GPATCH8: variants seen among roughly 807,000 people sequenced by gnomAD.
GPATCH8 encodes G patch domain-containing protein 8.
Under a neutral mutation model 118.3 loss-of-function variants are expected in GPATCH8, and 18 were observed. The ratio of observed to expected loss-of-function variants is 0.15; its 90% CI spans 0.11 to 0.23. The LOEUF is 0.23. Among genes scored for constraint, GPATCH8 ranks in the 10% least tolerant of loss-of-function variants. The pLI is 1.00. For missense variants in GPATCH8, 1,631 were observed against 1,873.8 expected, an observed-to-expected ratio of 0.87 and a Z score of 2.39; for synonymous variants, 659 against 684.7, an observed-to-expected ratio of 0.96 and a Z score of 0.59.
At chr17:44,464,243 C>T (rs2051673218) in intron 3 of GPATCH8, among the ~76,000 whole-genome samples, 1 of 152,134 alleles carries the variant, frequency 6.6e-6, no homozygotes, top group Non-Finnish European at 1.5e-5. Flanking sequence ...GTATGTTTGA[C>T]TTGAAAGTTT....
intron 6 of GPATCH8, among the ~76,000 whole-genome samples, chr17:44,417,750 T>C (rs965860699): frequency 1.3e-5 from 2 of 152,122 alleles, no homozygotes; most frequent in Non-Finnish European, 2.9e-5. Flanking sequence ...GCAGGTAACA[T>C]AATGAGTCAC....
At chr17:44,452,518 T>G (rs1467669450) in intron 3 of GPATCH8, among the ~76,000 whole-genome samples, 2 of 152,184 alleles carry the variant, frequency 1.3e-5, no homozygotes, top group African/African-American at 2.4e-5. Context: ...ATTGTCTTCA[T>G]AGTTGACCTG....
intron 1 of GPATCH8, among the ~76,000 whole-genome samples, chr17:44,495,247 T>C (rs1969572798): frequency 6.6e-6 from 1 of 152,154 alleles, no homozygotes; most frequent in Admixed American, 6.6e-5. Flanking sequence ...GCCACGAGAA[T>C]TGCTTGAACC....
intron 1 of GPATCH8, among the ~76,000 whole-genome samples, chr17:44,479,523 T>TA (rs1420546725): frequency 1.3e-5 from 2 of 151,914 alleles, no homozygotes; most frequent in Non-Finnish European, 2.9e-5. Flanking sequence ...ATACTTTGAA[T>TA]AAAAAAAGAA....
At chr17:44,450,128 G>A (rs1222141397) in intron 3 of GPATCH8, among the ~76,000 whole-genome samples, 1 of 152,194 alleles carries the variant, frequency 6.6e-6, no homozygotes, top group Non-Finnish European at 1.5e-5. Context: ...TAGTTGCAGA[G>A]TTAGAATTGA....
intron 1 of GPATCH8, among the ~76,000 whole-genome samples, chr17:44,494,580 G>A (rs987137023): frequency 7.2e-5 from 11 of 152,028 alleles, no homozygotes; most frequent in Non-Finnish European, 1.6e-4. Flanking sequence ...CAATGAGAGC[G>A]AAACTTCACC....
chr17:44,493,160 C>G (rs1032623589), intron 1 of GPATCH8, among the ~76,000 whole-genome samples: 6 of 148,820 alleles, frequency 4.0e-5, no homozygotes, highest in African/African-American at 1.5e-4. Context: ...TCATGCAATT[C>G]TCCTGCCTCA....
At chr17:44,465,574 A>G (rs951326763) in intron 2 of GPATCH8, 2 of 152,188 alleles carry the variant, frequency 1.3e-5, no homozygotes, top group Non-Finnish European at 2.9e-5. Context: ...TATTCACCCA[A>G]TGGACAACAC....
intron 3 of GPATCH8, among the ~76,000 whole-genome samples, chr17:44,455,999 G>A (rs757857279): frequency 4.6e-5 from 7 of 152,186 alleles, no homozygotes; most frequent in South Asian, 2.1e-4. Context: ...CACCTGCCTC[G>A]GCCTCCCAAA....
At chr17:44,407,639 T>C (rs1349472474) in intron 6 of GPATCH8, among the ~76,000 whole-genome samples, 1 of 150,946 alleles carries the variant, frequency 6.6e-6, no homozygotes, top group Non-Finnish European at 1.5e-5. Context: ...GGCAAAACTG[T>C]TAGTGCCCAT....
In GPATCH8 at chr17:44,395,618, G is replaced by T. The variant is rs1221278844; in HGVS notation, c.*1950C>A. ...TTCCAGTGCTAGTTATCCAAGAAGT[G>T]ATGCTTCTGAATCAGATGAGTACTG... is the stretch of plus-strand genomic sequence containing the variant. On this transcript the variant is annotated 3_prime_UTR_variant, in exon 8 of 8. Coordinates refer to ENST00000591680, the MANE Select transcript of GPATCH8 (RefSeq NM_001002909.4). 5 of 454,118 alleles carry T rather than the reference G, an allele frequency of 1.1e-5. No homozygotes were observed. 28.1% of individuals were successfully genotyped at this position (454,118 alleles called of 1,614,324 possible).
intron 3 of GPATCH8, among the ~76,000 whole-genome samples, chr17:44,462,734 G>A (rs2051603213): frequency 1.3e-5 from 2 of 152,038 alleles, no homozygotes; most frequent in Non-Finnish European, 2.9e-5. Flanking sequence ...TATAATCCCA[G>A]CACTTTTGGA....
chr17:44,415,192 T>C (rs781473896), intron 6 of GPATCH8, among the ~76,000 whole-genome samples: 8 of 152,240 alleles, frequency 5.3e-5, no homozygotes, highest in Non-Finnish European at 1.0e-4. Flanking sequence ...CTCTAACTTC[T>C]TGATATCTTC....
intron 2 of GPATCH8, 71 bp from the exon 3 acceptor site, chr17:44,464,615 A>T (rs2051687398): frequency 1.1e-6 from 1 of 911,412 alleles, no homozygotes; most frequent in Admixed American, 1.7e-5. Context: ...AGAGACATTT[A>T]AACAGATGAT....
intron 2 of GPATCH8, among the ~76,000 whole-genome samples, chr17:44,472,983 C>G (rs1245859493): frequency 6.6e-6 from 1 of 151,092 alleles, no homozygotes; most frequent in Non-Finnish European, 1.5e-5. Flanking sequence ...CTTGAGCCAC[C>G]GCACCCGGCC....
At chr17:44,472,526 C>A (rs576214726) in intron 2 of GPATCH8, among the ~76,000 whole-genome samples, 4 of 152,100 alleles carry the variant, frequency 2.6e-5, no homozygotes, top group Non-Finnish European at 5.9e-5. Context: ...ATAATGAATA[C>A]TAGGTTGCAA....
Position 44,399,559 on chromosome 17 carries a change from C to G in GPATCH8, c.2518G>C (p.Glu840Gln), listed in dbSNP as rs774748424. 6.2e-7 allele frequency: 1 copy of G among 1,614,228 alleles called. No individual in the cohort carries two copies. The highest frequency in any genetic ancestry group is 8.5e-7 in the Non-Finnish European group (1 of 1,180,026). Residue 840 changes from glutamate (E) to glutamine (Q), a missense_variant, in exon 8 of 8, where the codon GAA becomes CAA. Physicochemically the swap from Glu to Gln is conservative, Grantham distance 29. This residue lies in a region of GPATCH8 where 922 missense variants were observed against 879.7 expected (regional missense o/e 1.05). Coordinates refer to ENST00000591680, the MANE Select transcript of GPATCH8 (RefSeq NM_001002909.4). ...QKSPSQYSEE[E>Q]EEEDSGSEHS... ...TCACTGCCTGAATCTTCCTCTTCTTCTTCCTCACTGTACTGGGATGGAGAC... is the reference window on the plus strand; with the variant it reads ...TCACTGCCTGAATCTTCCTCTTCTTGTTCCTCACTGTACTGGGATGGAGAC...
intron 3 of GPATCH8, among the ~76,000 whole-genome samples, chr17:44,463,626 T>A (rs1331040590): frequency 1.3e-5 from 2 of 152,148 alleles, no homozygotes; most frequent in East Asian, 3.9e-4. Context: ...ATGATCCACC[T>A]GCCTCGGCCT....
intron 3 of GPATCH8, among the ~76,000 whole-genome samples, chr17:44,456,092 T>C (rs2051320215): frequency 6.6e-6 from 1 of 152,026 alleles, no homozygotes; most frequent in East Asian, 2.0e-4. Context: ...TTATAGTGAT[T>C]GATTGAGACA....
Sources: allele counts gnomAD v4.1 joint callset (sites outside exome capture counted in the v4.1 genomes callset), GRCh38; gene constraint gnomAD v4.1.1; regional missense constraint gnomAD v4.1.1; transcripts MANE v1.5; gene names NCBI Gene and HGNC (gene_info 2026-07-23, HGNC 2026-07-21).